Variants in RANBP2 observed in about 807,000 individuals in gnomAD.
The protein encoded by RANBP2 is E3 SUMO-protein ligase RanBP2.
A neutral mutation model predicts 303.6 loss-of-function variants in RANBP2; 57 were observed. That is an observed-to-expected ratio of 0.19 (90% CI 0.15 to 0.23). The LOEUF (loss-of-function observed/expected upper bound fraction) is 0.23, where lower values mean the gene tolerates loss of function less well. Ranked by LOEUF, RANBP2 falls within the 10% of genes least tolerant of loss-of-function variation. The pLI is 1.00. For missense variants in RANBP2, 3,138 were observed against 3,780.8 expected (o/e 0.83, Z 4.46); for synonymous variants, 1,167 against 1,301.5 (o/e 0.90, Z 2.23).
the RANBP2 span, among the ~76,000 whole-genome samples, chr2:109,764,193 G>GA: frequency 6.7e-6 from 1 of 150,194 alleles, no homozygotes; most frequent in African/African-American, 2.4e-5. Context: ...GGAGAACTTA[G>GA]AAAAAGGTGA....
chr2:109,458,572 C>CAG, the RANBP2 span, among the ~76,000 whole-genome samples: 23,663 of 123,046 alleles, frequency 0.19, 3,709 homozygotes, highest in Non-Finnish European at 0.26. Context: ...CAGCAGGAGA[C>CAG]AGAGAGAGAG....
the RANBP2 span, among the ~76,000 whole-genome samples, chr2:109,556,341 A>G: frequency 6.6e-6 from 1 of 152,244 alleles, no homozygotes; most frequent in African/African-American, 2.4e-5. Flanking sequence ...TTATAAAAAT[A>G]AATCAATTTC....
At chr2:109,189,599 C>T in the RANBP2 span, among the ~76,000 whole-genome samples, 2 of 152,076 alleles carry the variant, frequency 1.3e-5, no homozygotes, top group African/African-American at 4.8e-5. Context: ...GAACTCCTGA[C>T]CTCATGATCT....
chr2:109,473,066 T>G, the RANBP2 span, among the ~76,000 whole-genome samples: 1 of 152,226 alleles, frequency 6.6e-6, no homozygotes, highest in Non-Finnish European at 1.5e-5. Flanking sequence ...GTTGCAGCCT[T>G]TCAGATGCGA....
At chr2:109,567,970 T>C in the RANBP2 span, 2 of 1,591,746 alleles carry the variant, frequency 1.3e-6, no homozygotes, top group South Asian at 1.1e-5. Flanking sequence ...ACTGGTATAA[T>C]GTTTACCTAT....
At chr2:109,273,080 A>C in the RANBP2 span, among the ~76,000 whole-genome samples, 1 of 152,216 alleles carries the variant, frequency 6.6e-6, no homozygotes, top group African/African-American at 2.4e-5. Context: ...TTGTTTACTG[A>C]GTATTTCGGG....
the RANBP2 span, among the ~76,000 whole-genome samples, chr2:109,228,728 C>T: frequency 3.3e-5 from 5 of 151,980 alleles, no homozygotes; most frequent in South Asian, 2.1e-4. Context: ...GTACATAGGG[C>T]GAGGTCTGGA....
chr2:108,977,877 C>T, the RANBP2 span, among the ~76,000 whole-genome samples: 1 of 152,220 alleles, frequency 6.6e-6, no homozygotes, highest in Non-Finnish European at 1.5e-5. Context: ...AACCACAAGA[C>T]ATCATATTAA....
chr2:109,490,750 C>A, the RANBP2 span: 1 of 1,536,536 alleles, frequency 6.5e-7, no homozygotes, highest in Non-Finnish European at 8.7e-7. Context: ...CCCGAAGTGT[C>A]CTCACTGTCC....
At chr2:109,761,329 C>G in the RANBP2 span, among the ~76,000 whole-genome samples, 2 of 151,218 alleles carry the variant, frequency 1.3e-5, no homozygotes, top group Non-Finnish European at 2.9e-5. Flanking sequence ...GAGTGTTTCT[C>G]CGTGCCGGTA....
the RANBP2 span, among the ~76,000 whole-genome samples, chr2:109,175,006 C>T: frequency 6.6e-6 from 1 of 152,108 alleles, no homozygotes; most frequent in East Asian, 1.9e-4. Flanking sequence ...ATATATTGCC[C>T]AACTGTCTTT....
the RANBP2 span, chr2:109,504,593 G>C: frequency 6.6e-6 from 1 of 152,404 alleles, no homozygotes; most frequent in East Asian, 1.9e-4. Context: ...AAACCATGAT[G>C]CCTGTGTTTC....
chr2:109,538,846 A>G, the RANBP2 span, among the ~76,000 whole-genome samples: 3 of 152,190 alleles, frequency 2.0e-5, no homozygotes, highest in African/African-American at 7.2e-5. Flanking sequence ...GAGATTTTCT[A>G]TTCTTATATT....
the RANBP2 span, among the ~76,000 whole-genome samples, chr2:109,675,954 A>AG: frequency 2.8e-4 from 43 of 152,204 alleles, no homozygotes; most frequent in African/African-American, 1.0e-3. Context: ...GAACAGAGGG[A>AG]GCACGTGGAT....
chr2:109,468,000 G>A, the RANBP2 span, among the ~76,000 whole-genome samples: 1 of 152,220 alleles, frequency 6.6e-6, no homozygotes, highest in African/African-American at 2.4e-5. Context: ...TCCTCAGAGC[G>A]GAAAACATTT....
chr2:109,078,240 ATAGCGTG>A, the RANBP2 span, among the ~76,000 whole-genome samples: 10 of 40,078 alleles, frequency 2.5e-4, no homozygotes, highest in Admixed American at 1.2e-3. Flanking sequence ...ATATATATAT[ATAGCGTG>A]TATATATATA....
At position 108,763,926 on chromosome 2, in the gene RANBP2, T is replaced by C. The variant is rs142454773; in HGVS notation, c.3387T>C (p.Asp1129=). 1.2e-6 allele frequency: 2 copies of C among 1,613,942 alleles called. No homozygotes were observed. Among genetic ancestry groups the C allele is most frequent in the East Asian group, 4.5e-5 (2 of 44,882 alleles). Residue 1129 remains aspartate (D), a synonymous_variant, in exon 20 of 29, where the codon GAT becomes GAC. Coordinates refer to ENST00000283195, the MANE Select transcript of RANBP2 (RefSeq NM_006267.5). The part of the protein sequence containing the change: ...QQKNSGFRRS[D]DMFTFHGPGK... ...AGAATTCTGGTTTTCGGCGAAGTGA[T>C]GATATGTTTACTTTCCATGGTCCAG...
At chr2:108,846,948 C>T in the RANBP2 span, 1 of 1,355,518 alleles carries the variant, frequency 7.4e-7, no homozygotes, top group Admixed American at 2.0e-5. Flanking sequence ...TTCAATTGTA[C>T]TTATGGTTAA....
chr2:109,134,001 T>C, the RANBP2 span, among the ~76,000 whole-genome samples: 1 of 152,268 alleles, frequency 6.6e-6, no homozygotes, highest in East Asian at 1.9e-4. Flanking sequence ...ATAGAGGGTG[T>C]CTATGGTATC....
Sources: allele counts gnomAD v4.1 joint callset (sites outside exome capture counted in the v4.1 genomes callset), GRCh38; gene constraint gnomAD v4.1.1; transcripts MANE v1.5; gene names NCBI Gene and HGNC (gene_info 2026-07-23, HGNC 2026-07-21).